RPS6KA2: variants seen among roughly 807,000 people sequenced by gnomAD.
RPS6KA2 encodes ribosomal protein S6 kinase A2.
A neutral mutation model predicts 91.8 loss-of-function variants in RPS6KA2; 42 were observed. The observed-to-expected ratio is 0.46, with a 90% CI of 0.36 to 0.59. The LOEUF (loss-of-function observed/expected upper bound fraction) is 0.59, where lower values mean the gene tolerates loss of function less well. RPS6KA2 is among the 20% of genes least tolerant of loss of function. RPS6KA2 has a pLI of 0.00. For synonymous variants in RPS6KA2, 414 were observed against 393.6 expected (o/e 1.05, Z -0.61); for missense variants, 798 against 978.5 (o/e 0.82, Z 2.46).
At chr6:166,848,877 C>T (rs1562469701) in intron 2 of RPS6KA2, among the ~76,000 whole-genome samples, 1 of 152,032 alleles carries the variant, frequency 6.6e-6, no homozygotes, top group Non-Finnish European at 1.5e-5. Context: ...AACCAAATAC[C>T]ACCCGTTCCC....
chr6:166,530,934 C>G (rs530338222), intron 3 of RPS6KA2, among the ~76,000 whole-genome samples: 1 of 152,400 alleles, frequency 6.6e-6, no homozygotes, highest in Non-Finnish European at 1.5e-5. Flanking sequence ...TCCAGCCCAA[C>G]AGCCTGCTCG....
intron 14 of RPS6KA2, among the ~76,000 whole-genome samples, chr6:166,438,389 G>A (rs529945315): frequency 1.5e-4 from 23 of 152,352 alleles, no homozygotes; most frequent in East Asian, 3.9e-4. Context: ...AGGCTGGCCC[G>A]CGCTCCAGGC....
At chr6:166,769,618 C>T (rs1332602347) in intron 2 of RPS6KA2, among the ~76,000 whole-genome samples, 1 of 152,208 alleles carries the variant, frequency 6.6e-6, no homozygotes. Context: ...AATAAGGAAA[C>T]TTAATTCATG....
At chr6:166,647,152 G>A (rs9347142) in intron 2 of RPS6KA2, among the ~76,000 whole-genome samples, 46,197 of 151,664 alleles carry the variant, frequency 0.3, 7,165 homozygotes, top group East Asian at 0.38. Flanking sequence ...TTTTGCCCCA[G>A]TGTTCTCCTA....
At position 166,666,530 on chromosome 6, in the gene RPS6KA2, TGCAAATCAACACCACAA is replaced by T. The variant is rs1788321098; in HGVS notation, c.124-127763_124-127747del. On this transcript the variant is annotated intron_variant, in intron 2 of 21. Coordinates refer to the RPS6KA2 transcript ENST00000503859. This position sits in a 1 kb window ranked among gnomAD's most constrained non-coding sequence, Gnocchi z 4.0. ...CGCCAGTCACTAATCCTTAGGGAAA[TGCAAATCAACACCACAA>T]GCAAATCAACACCCGATAAGATACC... Among the ~76,000 whole-genome samples the T allele has an allele frequency of 6.6e-6, 1 of 152,136 alleles. No individual in the cohort carries two copies. The highest frequency in any genetic ancestry group is 1.5e-5 in the Non-Finnish European group (1 of 68,024).
intron 15 of RPS6KA2, among the ~76,000 whole-genome samples, chr6:166,430,909 G>C (rs1461920879): frequency 6.6e-6 from 1 of 152,116 alleles, no homozygotes; most frequent in East Asian, 1.9e-4. Context: ...TCTGCCAGGA[G>C]ATATTTGTTA....
At chr6:166,667,359 T>C (rs1169620679) in intron 2 of RPS6KA2, among the ~76,000 whole-genome samples, 4 of 152,262 alleles carry the variant, frequency 2.6e-5, no homozygotes, top group Non-Finnish European at 4.4e-5. Context: ...GTTATGTCGA[T>C]AATTTCTTAT....
intron 2 of RPS6KA2, among the ~76,000 whole-genome samples, chr6:166,653,642 TTCTA>T (rs1562366012): frequency 6.6e-6 from 1 of 152,218 alleles, no homozygotes; most frequent in African/African-American, 2.4e-5. Context: ...GCTAATAGCA[TTCTA>T]TCTGTGACTC....
intron 2 of RPS6KA2, among the ~76,000 whole-genome samples, chr6:166,676,724 C>T (rs1583009731): frequency 6.6e-6 from 1 of 152,244 alleles, no homozygotes; most frequent in Non-Finnish European, 1.5e-5. Flanking sequence ...ACAGCACTTA[C>T]CACACTCTGC....
intron 2 of RPS6KA2, among the ~76,000 whole-genome samples, chr6:166,828,653 C>T (rs901212465): frequency 6.6e-6 from 1 of 152,178 alleles, no homozygotes; most frequent in Non-Finnish European, 1.5e-5. Context: ...TGGACATACT[C>T]TATATCATAC....
chr6:166,543,450 C>G (rs1473906861), intron 1 of RPS6KA2, among the ~76,000 whole-genome samples: 1 of 152,214 alleles, frequency 6.6e-6, no homozygotes, highest in Non-Finnish European at 1.5e-5. Context: ...GTGCCCTTCT[C>G]AAGCCATCCA....
chr6:166,619,645 G>C (rs723316), intron 1 of RPS6KA2, among the ~76,000 whole-genome samples: 1 of 152,162 alleles, frequency 6.6e-6, no homozygotes, highest in Non-Finnish European at 1.5e-5. Flanking sequence ...AGCCTTGCCC[G>C]GCTCCCAGCT....
At chr6:166,729,648 A>T (rs1482659281) in intron 2 of RPS6KA2, among the ~76,000 whole-genome samples, 1 of 152,114 alleles carries the variant, frequency 6.6e-6, no homozygotes, top group Non-Finnish European at 1.5e-5. Context: ...ACCCTGAAAC[A>T]TTTATCTTGA....
chr6:166,773,385 CGTT>C (rs1778529638), intron 2 of RPS6KA2, among the ~76,000 whole-genome samples: 1 of 142,340 alleles, frequency 7.0e-6, no homozygotes, highest in African/African-American at 3.1e-5. Context: ...TCTTTCTTTT[CGTT>C]TTTTTTTGTT....
chr6:166,508,004 G>A lies in RPS6KA2; in HGVS notation c.459+199C>T, dbSNP rs1332164653. Among the ~76,000 whole-genome samples the A allele has an allele frequency of 7.4e-6, 1 of 135,824 alleles. No individual in the cohort carries two copies. The highest frequency in any genetic ancestry group is 1.5e-5 in the Non-Finnish European group (1 of 64,686). 89.1% of individuals were successfully genotyped at this position (135,824 alleles called of 152,430 possible). On this transcript the variant is annotated intron_variant, in intron 5 of 20. Transcript: ENST00000265678. This position sits in a 1 kb window ranked among gnomAD's most constrained non-coding sequence, Gnocchi z 4.3. ...CTCGCAACCCCCCACCACACATCAT[G>A]CACACTTGCACACACTCACACATGT... is the stretch of plus-strand genomic sequence containing the variant.
intron 14 of RPS6KA2, among the ~76,000 whole-genome samples, chr6:166,439,418 C>G (rs546342392): frequency 6.6e-6 from 1 of 152,292 alleles, no homozygotes; most frequent in East Asian, 1.9e-4. Flanking sequence ...ATATATTTTT[C>G]TTTTAATCAA....
chr6:166,788,685 C>T (rs771510633), intron 2 of RPS6KA2, among the ~76,000 whole-genome samples: 10 of 151,896 alleles, frequency 6.6e-5, no homozygotes, highest in South Asian at 2.1e-4. Flanking sequence ...GGGGCCTGTC[C>T]GGGGTGAGGG....
At chr6:166,478,137 C>G (rs936567759) in intron 10 of RPS6KA2, among the ~76,000 whole-genome samples, 1 of 152,184 alleles carries the variant, frequency 6.6e-6, no homozygotes, top group East Asian at 1.9e-4. Flanking sequence ...TGCGGCAGCT[C>G]GGCTGGGCGG....
chr6:166,651,675 T>G (rs1176087675), intron 2 of RPS6KA2, among the ~76,000 whole-genome samples: 1 of 152,260 alleles, frequency 6.6e-6, no homozygotes, highest in Non-Finnish European at 1.5e-5. Context: ...TTTAGAATCC[T>G]TAAAGAGGAC....
Sources: gnomAD v4.1 joint callset for allele counts (sites outside exome capture counted in the v4.1 genomes callset) on GRCh38, gnomAD v4.1.1 for gene constraint, Gnocchi (gnomAD v3.1) non-coding constraint, MANE v1.5 for transcripts, NCBI Gene and HGNC (gene_info 2026-07-23, HGNC 2026-07-21) for gene names.